The following EDRF1 variants were observed in gnomAD, a reference collection of about 807,000 sequenced individuals.
EDRF1 encodes the protein erythroid differentiation regulatory factor 1.
Under a neutral mutation model 148.7 loss-of-function variants are expected in EDRF1, and 69 were observed. That is an observed-to-expected ratio of 0.46 (90% CI 0.38 to 0.57). The LOEUF (loss-of-function observed/expected upper bound fraction) is 0.57, where lower values mean the gene tolerates loss of function less well. EDRF1 is among the 20% of genes least tolerant of loss of function. The pLI is 0.00. For synonymous variants in EDRF1, 515 were observed against 532.8 expected, an observed-to-expected ratio of 0.97 and a Z score of 0.46; for missense variants, 1,118 against 1,478.7, an observed-to-expected ratio of 0.76 and a Z score of 4.00.
At chr10:125,743,390 T>C in intron 18 of EDRF1, 114 bp downstream of exon 18, 1 of 807,360 alleles carries the variant, frequency 1.2e-6, no homozygotes, top group Non-Finnish European at 2.1e-6. Flanking sequence ...AAAGAGGTGC[T>C]CTATTAGAGA....
At chr10:125,751,760 A>G (rs1849653539) in intron 22 of EDRF1, among the ~76,000 whole-genome samples, 1 of 152,208 alleles carries the variant, frequency 6.6e-6, no homozygotes, top group African/African-American at 2.4e-5. Flanking sequence ...GAACTCACTG[A>G]AAGCTGTTCT....
chr10:125,751,625 T>C (rs1849645258), intron 22 of EDRF1, among the ~76,000 whole-genome samples: 1 of 152,202 alleles, frequency 6.6e-6, no homozygotes, highest in African/African-American at 2.4e-5. Context: ...AGGCAACAGT[T>C]ATTCTCTCCC....
chr10:125,759,400 C>T (rs536015373), intron 24 of EDRF1, among the ~76,000 whole-genome samples: 1 of 152,136 alleles, frequency 6.6e-6, no homozygotes, highest in Non-Finnish European at 1.5e-5. Context: ...GAGCCATGAC[C>T]TTGTAGTTTG....
rs1347721174 is a variant in EDRF1, at chr10:125,752,845, T to C, written c.3324T>C (p.Leu1108=). The C allele has an allele frequency of 1.2e-6, 2 of 1,613,940 alleles. No homozygotes were observed. The highest frequency in any genetic ancestry group is 1.7e-6 in the Non-Finnish European group (2 of 1,180,008). The change falls in exon 23 of 25, where the codon CTT becomes CTC. Residue 1108 remains leucine (L), a synonymous_variant. Coordinates refer to ENST00000356792, the MANE Select transcript of EDRF1 (RefSeq NM_001202438.2). ...VGKLKTLSGA[L]DIMVRTEHAF... is the part of the protein sequence containing the mutation. ...AGTTGAAAACACTATCTGGGGCTCT[T>C]GATATAATGGTGAGAACTGAGCACG...
rs773825217 is a variant in EDRF1, at chr10:125,723,852, C to T, written c.426C>T (p.His142=). 1.6e-5 allele frequency: 26 copies of T among 1,613,402 alleles called. No homozygotes were observed. The highest frequency in any genetic ancestry group is 2.2e-5 in the East Asian group (1 of 44,854). The change falls in exon 4 of 25, where the codon CAC becomes CAT. Residue 142 remains histidine, a synonymous_variant. Coordinates refer to ENST00000356792, the MANE Select transcript of EDRF1 (RefSeq NM_001202438.2). ...TGAAAATTCCCTACAGCAAGTCGCACGTGAGCATGGCAGTACACCGCATAG... is the reference window on the plus strand; with the variant it reads ...TGAAAATTCCCTACAGCAAGTCGCATGTGAGCATGGCAGTACACCGCATAG... ...KLLKIPYSKS[H]VSMAVHRIGR... is the part of the protein sequence containing the mutation.
chr10:125,737,899 TTTATG>T lies in EDRF1; in HGVS notation c.1759-16_1759-12del. The T allele has an allele frequency of 6.2e-7, 1 of 1,611,772 alleles. No homozygotes were observed. The highest frequency in any genetic ancestry group is 8.5e-7 in the Non-Finnish European group (1 of 1,178,098). On this transcript the variant is annotated splice_polypyrimidine_tract_variant and intron_variant, in intron 13 of 24. Transcript: ENST00000356792. ...AATACATTGGTAGTGTATTAATAAT[TTTATG>T]TTTGTTCCTCAAGCCCAGTTGTGCA... is the stretch of plus-strand genomic sequence containing the variant.
chr10:125,740,433 GCTGT>G (rs1401534840), intron 15 of EDRF1, 26 bp from the exon 16 acceptor site: 13 of 1,608,518 alleles, frequency 8.1e-6, no homozygotes, highest in Non-Finnish European at 1.1e-5. Context: ...AATGAAATGT[GCTGT>G]CTTTTTTTTT....
chr10:125,733,996 CAA>C (rs952982890), intron 11 of EDRF1, 74 bp from the exon 12 acceptor site: 98 of 1,201,162 alleles, frequency 8.2e-5, no homozygotes, highest in African/African-American at 5.9e-4. Context: ...TGGAAAGAAA[CAA>C]GAGCACTCCT....
At chr10:125,743,933 G>A (rs918490204) in intron 18 of EDRF1, among the ~76,000 whole-genome samples, 1 of 152,180 alleles carries the variant, frequency 6.6e-6, no homozygotes, top group Non-Finnish European at 1.5e-5. Flanking sequence ...GATGGTGTAA[G>A]TAAGATGTGA....
At chr10:125,725,186 A>G in intron 4 of EDRF1, 132 bp from the exon 5 acceptor site, 1 of 1,096,980 alleles carries the variant, frequency 9.1e-7, no homozygotes. Flanking sequence ...ACCCAGAAAG[A>G]TATGTTTTTA....
intron 12 of EDRF1, 61 bp from the exon 13 acceptor site, chr10:125,735,583 A>G: frequency 6.5e-7 from 1 of 1,545,416 alleles, no homozygotes; most frequent in Non-Finnish European, 8.9e-7. Flanking sequence ...TTAGTATGGT[A>G]GTAAAATTCA....
intron 1 of EDRF1, among the ~76,000 whole-genome samples, chr10:125,720,809 T>C (rs1847954097): frequency 2.5e-5 from 1 of 39,978 alleles, no homozygotes; most frequent in Non-Finnish European, 5.7e-5. Flanking sequence ...AGACTGCGTC[T>C]CAAAAAAAAA....
In EDRF1 at chr10:125,733,388, T is replaced by C; in HGVS notation, c.1129-16T>C. On this transcript the variant is annotated splice_polypyrimidine_tract_variant and intron_variant, in intron 9 of 24. Coordinates refer to ENST00000356792, the MANE Select transcript of EDRF1 (RefSeq NM_001202438.2). ...GTTTTCTCTTAAACTGCTTTCCATC[T>C]GTCTGTATTTTACAGAAATATGAAA... The C allele has an allele frequency of 6.4e-7, 1 of 1,552,694 alleles. No homozygotes were observed. Among genetic ancestry groups the C allele is most frequent in the Non-Finnish European group, 8.7e-7 (1 of 1,143,360 alleles).
intron 5 of EDRF1, 55 bp downstream of exon 5, chr10:125,725,497 T>G: frequency 1.2e-6 from 2 of 1,607,240 alleles, no homozygotes; most frequent in Non-Finnish European, 1.7e-6. Context: ...GATCTAAAAT[T>G]TAGTGTGAAG....
rs185936875 is a variant in EDRF1, at chr10:125,761,779, A to G, written c.3546-1522A>G. Reference sequence around the variant, plus strand: ...AAGTTTATGATCCCTGCAGCCATCAATTATCTTTAGGCACCCAACTATTAA... The same window carrying G: ...AAGTTTATGATCCCTGCAGCCATCAGTTATCTTTAGGCACCCAACTATTAA... On this transcript the variant is annotated intron_variant, in intron 24 of 24. Coordinates refer to ENST00000356792, the MANE Select transcript of EDRF1 (RefSeq NM_001202438.2). Among the ~76,000 whole-genome samples, 71 of 152,344 alleles carry G rather than the reference A, an allele frequency of 4.7e-4. 1 individual carries two copies. Among genetic ancestry groups the G allele is most frequent in the African/African-American group, 1.7e-3 (69 of 41,586 alleles).
intron 24 of EDRF1, among the ~76,000 whole-genome samples, chr10:125,757,363 T>C (rs566724519): frequency 2.6e-5 from 4 of 152,370 alleles, no homozygotes; most frequent in African/African-American, 9.6e-5. Flanking sequence ...GTAAAGACCT[T>C]CTAACAGTAG....
In EDRF1 at chr10:125,737,871, CT is replaced by C. The variant is rs770876971; in HGVS notation, c.1759-45del. ...TCTTCAACAAAAACAATATGTTGAC[CT>C]TAATACATTGGTAGTGTATTAATAA... is the stretch of plus-strand genomic sequence containing the variant. On this transcript the variant is annotated intron_variant, in intron 13 of 24. Transcript: ENST00000356792. 3.2e-6 allele frequency: 5 copies of C among 1,542,858 alleles called. No individual in the cohort carries two copies. The Admixed American group carries it at 8.3e-5, about 26-fold the overall frequency.
chr10:125,740,927 T>G (rs1848986393), intron 16 of EDRF1, 74 bp from the exon 17 acceptor site: 6 of 1,448,156 alleles, frequency 4.1e-6, no homozygotes, highest in Non-Finnish European at 5.8e-6. Context: ...GTAACACAGT[T>G]TCTTCATATT....
intron 24 of EDRF1, among the ~76,000 whole-genome samples, chr10:125,760,688 A>C (rs953672616): frequency 1.3e-5 from 2 of 152,238 alleles, no homozygotes; most frequent in Non-Finnish European, 2.9e-5. Context: ...TTCACAGTGA[A>C]TACATGAACA....
Sources: gnomAD v4.1 joint callset for allele counts (sites outside exome capture counted in the v4.1 genomes callset) on GRCh38, gnomAD v4.1.1 for gene constraint, MANE v1.5 for transcripts, NCBI Gene and HGNC (gene_info 2026-07-23, HGNC 2026-07-21) for gene names.